Variants in CSMD1 observed in about 807,000 individuals in gnomAD.
The protein encoded by CSMD1 is CUB and sushi domain-containing protein 1.
CSMD1 carries 213 observed loss-of-function variants against 417.5 expected under a neutral mutation model. That is an observed-to-expected ratio of 0.51 (90% CI 0.46 to 0.57). CSMD1 has a LOEUF of 0.57. Among genes scored for constraint, CSMD1 ranks in the 20% least tolerant of loss-of-function variants. The pLI is 0.00. For synonymous variants in CSMD1, 2,862 were observed against 1,736.8 expected (o/e 1.65, Z -16.11); for missense variants, 6,923 against 4,529.7 (o/e 1.53, Z -15.17).
At chr8:3,881,869 T>C (rs565235519) in intron 5 of CSMD1, among the ~76,000 whole-genome samples, 9 of 152,172 alleles carry the variant, frequency 5.9e-5, no homozygotes, top group African/African-American at 2.2e-4. Context: ...GATTGACTTC[T>C]CCATAAATGG....
In CSMD1 at chr8:4,140,807, G is replaced by A. The variant is rs1490119349; in HGVS notation, c.416-108708C>T. Among the ~76,000 whole-genome samples the A allele has an allele frequency of 1.3e-5, 2 of 150,996 alleles. 1 individual carries two copies. The highest frequency in any genetic ancestry group is 5.0e-5 in the African/African-American group (2 of 40,318). On this transcript the variant is annotated intron_variant, in intron 3 of 69. Transcript: ENST00000635120. ...AGGGTGGTTTTGATTTTCTAAGCGT[G>A]TAAATGGGCTCAGCACCCTCACTCC... is the stretch of plus-strand genomic sequence containing the variant.
intron 10 of CSMD1, among the ~76,000 whole-genome samples, chr8:3,558,564 C>G (rs1049723344): frequency 2.1e-4 from 31 of 147,178 alleles, no homozygotes; most frequent in Middle Eastern, 3.8e-3. Context: ...ACCCCGTGTC[C>G]ACTCCTGCAA....
At chr8:3,899,050 T>G (rs377691936) in intron 5 of CSMD1, among the ~76,000 whole-genome samples, 4 of 152,052 alleles carry the variant, frequency 2.6e-5, no homozygotes, top group South Asian at 2.1e-4. Context: ...AAGAAAACAA[T>G]TGAGGTCAAT....
chr8:4,427,696 T>C (rs1797643123), intron 2 of CSMD1, among the ~76,000 whole-genome samples: 1 of 152,172 alleles, frequency 6.6e-6, no homozygotes, highest in South Asian at 2.1e-4. Context: ...ATTTATGTAT[T>C]TTTCTGTTCT....
At position 3,433,216 on chromosome 8, in the gene CSMD1, T is replaced by A. The variant is rs1814332474; in HGVS notation, c.1562-23611A>T. On this transcript the variant is annotated intron_variant, in intron 12 of 69. Coordinates refer to ENST00000635120, the MANE Select transcript of CSMD1 (RefSeq NM_033225.6). ...TTAGACAACTTTTGTGGAACTACAG[T>A]TGTTGACATAGAGATGTAGTTACTT... Among the ~76,000 whole-genome samples the A allele has an allele frequency of 3.9e-5, 6 of 152,330 alleles. No homozygotes were observed. The South Asian group carries it at 1.2e-3, about 32-fold the overall frequency.
intron 7 of CSMD1, among the ~76,000 whole-genome samples, chr8:3,652,846 G>T (rs868369798): frequency 2.0e-5 from 3 of 152,264 alleles, no homozygotes; most frequent in Non-Finnish European, 4.4e-5. Context: ...TACCGTATTG[G>T]CAGAACCTAG....
intron 5 of CSMD1, among the ~76,000 whole-genome samples, chr8:3,983,520 C>G (rs1336707233): frequency 1.3e-5 from 2 of 152,202 alleles, no homozygotes; most frequent in Non-Finnish European, 2.9e-5. Flanking sequence ...GGACAGGAAA[C>G]TGCCCTTGGA....
At chr8:3,858,340 T>C (rs990081139) in intron 5 of CSMD1, among the ~76,000 whole-genome samples, 6 of 152,150 alleles carry the variant, frequency 3.9e-5, no homozygotes, top group African/African-American at 1.4e-4. Flanking sequence ...TTGAGAAAAA[T>C]GCTTAAAATA....
At chr8:3,341,072 T>C (rs992584518) in intron 23 of CSMD1, among the ~76,000 whole-genome samples, 4 of 152,224 alleles carry the variant, frequency 2.6e-5, no homozygotes, top group African/African-American at 9.6e-5. Context: ...CTCAGTGAAG[T>C]GGAAGTGACC....
At chr8:4,406,555 T>C (rs1421740601) in intron 3 of CSMD1, among the ~76,000 whole-genome samples, 1 of 152,172 alleles carries the variant, frequency 6.6e-6, no homozygotes, top group Non-Finnish European at 1.5e-5. Flanking sequence ...CACAGAGTCC[T>C]GCCTTCTGTA....
intron 46 of CSMD1, among the ~76,000 whole-genome samples, chr8:3,102,170 G>A (rs1032201039): frequency 3.9e-5 from 6 of 152,142 alleles, no homozygotes; most frequent in Admixed American, 3.9e-4. Flanking sequence ...AGAATTTATT[G>A]GGAGATGGGC....
chr8:4,186,872 T>TG (rs1170798828), intron 3 of CSMD1, among the ~76,000 whole-genome samples: 1 of 150,562 alleles, frequency 6.6e-6, no homozygotes, highest in African/African-American at 2.4e-5. Flanking sequence ...GTTGAGTGCC[T>TG]GTAGTCCCAG....
At chr8:3,636,116 G>T (rs1797034156) in intron 7 of CSMD1, among the ~76,000 whole-genome samples, 1 of 152,108 alleles carries the variant, frequency 6.6e-6, no homozygotes, top group East Asian at 1.9e-4. Context: ...AAGAACTAAG[G>T]CAGAAACACA....
At chr8:4,653,930 A>G (rs12543670) in intron 1 of CSMD1, among the ~76,000 whole-genome samples, 45,882 of 151,940 alleles carry the variant, frequency 0.3, 7,707 homozygotes, top group East Asian at 0.44. Flanking sequence ...TAACCAAAGT[A>G]TAATATCACA....
intron 10 of CSMD1, chr8:3,515,436 T>C (rs1161601549): frequency 6.6e-6 from 1 of 152,228 alleles, no homozygotes. Flanking sequence ...ACAAATTTGC[T>C]AACTAGAGAT....
At chr8:4,167,502 T>A (rs1031797539) in intron 3 of CSMD1, among the ~76,000 whole-genome samples, 2 of 152,140 alleles carry the variant, frequency 1.3e-5, no homozygotes, top group African/African-American at 4.8e-5. Context: ...CCTATAACAT[T>A]TTCTAAAATG....
At chr8:4,070,577 T>G (rs757622210) in intron 3 of CSMD1, among the ~76,000 whole-genome samples, 3 of 152,138 alleles carry the variant, frequency 2.0e-5, no homozygotes, top group African/African-American at 7.2e-5. Flanking sequence ...CAGGATGGTC[T>G]CGTTCTCCTG....
At chr8:3,850,052 T>C (rs904416425) in intron 5 of CSMD1, among the ~76,000 whole-genome samples, 5 of 152,160 alleles carry the variant, frequency 3.3e-5, no homozygotes, top group Non-Finnish European at 7.3e-5. Flanking sequence ...AGCCTCAGCC[T>C]CTCAAAGTGT....
At chr8:3,543,656 C>T (rs973226946) in intron 10 of CSMD1, among the ~76,000 whole-genome samples, 1 of 151,304 alleles carries the variant, frequency 6.6e-6, no homozygotes, top group Non-Finnish European at 1.5e-5. Flanking sequence ...AAAAGAATTG[C>T]CATTTTCTAA....
Sources: gnomAD v4.1 joint callset for allele counts (sites outside exome capture counted in the v4.1 genomes callset) on GRCh38, gnomAD v4.1.1 for gene constraint, MANE v1.5 for transcripts, NCBI Gene and HGNC (gene_info 2026-07-23, HGNC 2026-07-21) for gene names.